Variants in BEGAIN observed in about 807,000 individuals in gnomAD.
BEGAIN encodes the protein brain enriched guanylate kinase associated, also known as brain-enriched guanylate kinase-associated protein.
Under a neutral mutation model 35.8 loss-of-function variants are expected in BEGAIN, and 19 were observed. The observed-to-expected ratio is 0.53, with a 90% CI of 0.37 to 0.78. The LOEUF is 0.78. Among genes scored for constraint, BEGAIN ranks in the 30% least tolerant of loss-of-function variants. The probability of loss-of-function intolerance (pLI) is 0.00; values close to 1 mark genes in which losing one functional copy is unlikely to be tolerated. For synonymous variants in BEGAIN, 462 were observed against 388.6 expected, an observed-to-expected ratio of 1.19 and a Z score of -2.22; for missense variants, 795 against 853.6, an observed-to-expected ratio of 0.93 and a Z score of 0.85.
intron 1 of BEGAIN, among the ~76,000 whole-genome samples, chr14:100,571,425 C>G (rs11849489): frequency 0.28 from 42,191 of 152,154 alleles, 6,243 homozygotes; most frequent in African/African-American, 0.36. Flanking sequence ...GAAACATGCC[C>G]GTCCACCCTT....
At chr14:100,565,748 G>A (rs1344491022) in intron 2 of BEGAIN, among the ~76,000 whole-genome samples, 3 of 152,188 alleles carry the variant, frequency 2.0e-5, no homozygotes, top group African/African-American at 7.2e-5. Flanking sequence ...CTCTGGGCCA[G>A]GTCCCAGGAG....
rs374438957 is a variant in BEGAIN at position 100,567,898 on chromosome 14, A to G, written c.71+13T>C. The G allele has an allele frequency of 2.0e-4, 293 of 1,463,156 alleles. No homozygotes were observed. The highest frequency in any genetic ancestry group is 2.6e-4 in the Non-Finnish European group (281 of 1,098,620). 90.6% of individuals were successfully genotyped at this position (1,463,156 alleles called of 1,614,324 possible). Reference sequence around the variant, plus strand: ...GCCCCCGCGAGCCGCGGCACGGGAGACGCTCCACTCACCTGAGTTTCTCCA... The same window carrying G: ...GCCCCCGCGAGCCGCGGCACGGGAGGCGCTCCACTCACCTGAGTTTCTCCA... On this transcript the variant is annotated intron_variant, in intron 2 of 6. Coordinates refer to ENST00000554140, the MANE Select transcript of BEGAIN (RefSeq NM_001385089.1). This position sits in a 1 kb window ranked among gnomAD's most constrained non-coding sequence, Gnocchi z 5.1.
chr14:100,553,631 G>A (rs979053923), intron 2 of BEGAIN, among the ~76,000 whole-genome samples: 20 of 152,076 alleles, frequency 1.3e-4, no homozygotes, highest in Admixed American at 7.9e-4. Flanking sequence ...TTCTCTGTGT[G>A]TCCCCAGGTC....
intron 5 of BEGAIN, among the ~76,000 whole-genome samples, chr14:100,541,380 C>A (rs924842193): frequency 7.2e-5 from 11 of 152,246 alleles, no homozygotes; most frequent in Non-Finnish European, 1.6e-4. Flanking sequence ...ACAGTCCCAA[C>A]CCAGCCAGCA....
chr14:100,574,543 C>T (rs1475504987), intron 1 of BEGAIN, among the ~76,000 whole-genome samples: 21 of 128,752 alleles, frequency 1.6e-4, no homozygotes, highest in Non-Finnish European at 3.1e-4. Context: ...TTTTTTTAAA[C>T]ATTTGAGCCA....
At chr14:100,550,294 C>T in intron 2 of BEGAIN, 2 of 397,100 alleles carry the variant, frequency 5.0e-6, no homozygotes, top group East Asian at 7.1e-5. Flanking sequence ...GCCGCCGGCC[C>T]ACGCCTTCAC....
intron 2 of BEGAIN, among the ~76,000 whole-genome samples, chr14:100,564,029 T>C (rs1278941125): frequency 6.6e-6 from 1 of 150,938 alleles, no homozygotes; most frequent in Non-Finnish European, 1.5e-5. Flanking sequence ...AAGGAACCAC[T>C]GAGCACAAGG....
Position 100,558,384 on chromosome 14 carries a change from C to T in BEGAIN, c.71+9527G>A, listed in dbSNP as rs993196978. On this transcript the variant is annotated intron_variant, in intron 2 of 6. Transcript: ENST00000554140. This position sits in a 1 kb window ranked among gnomAD's most constrained non-coding sequence, Gnocchi z 4.6. ...CACCTCCCACCCTCACTGCGCTCTC[C>T]GGCTGCCCCTTCTCAGGCTCCTCTG... Among the ~76,000 whole-genome samples, 35 of 152,204 alleles carry T rather than the reference C, an allele frequency of 2.3e-4. No individual in the cohort carries two copies. The highest frequency in any genetic ancestry group is 1.2e-3 in the Admixed American group (19 of 15,276).
At chr14:100,569,368 C>G (rs1455429699) in intron 1 of BEGAIN, 1 of 152,362 alleles carries the variant, frequency 6.6e-6, no homozygotes, top group Non-Finnish European at 1.5e-5. Context: ...AGGAGTTTGC[C>G]GGGAAGACTT....
intron 2 of BEGAIN, among the ~76,000 whole-genome samples, chr14:100,564,050 G>A (rs138972548): frequency 1.2e-4 from 18 of 151,950 alleles, no homozygotes; most frequent in South Asian, 6.3e-4. Context: ...TCGGTGTCCC[G>A]GTGACTGCTT....
intron 1 of BEGAIN, among the ~76,000 whole-genome samples, chr14:100,587,046 G>A (rs1566985067): frequency 6.6e-6 from 1 of 151,658 alleles, no homozygotes; most frequent in Non-Finnish European, 1.5e-5. Context: ...CGCCCCACCC[G>A]AGAGTGCCCA....
Position 100,582,392 on chromosome 14 carries a change from C to G in BEGAIN, c.42+4857G>C, listed in dbSNP as rs182972810. On this transcript the variant is annotated intron_variant, in intron 1 of 6. Coordinates refer to ENST00000554140, the MANE Select transcript of BEGAIN (RefSeq NM_001385089.1). ...TCTCCTGACCTCGTGATCGGCCCACCTCGGCCTCCCAAAGTGCTGGGATTA... is the reference window on the plus strand; with the variant it reads ...TCTCCTGACCTCGTGATCGGCCCACGTCGGCCTCCCAAAGTGCTGGGATTA... 6.1e-3 allele frequency among the ~76,000 whole-genome samples: 935 copies of G among 152,296 alleles called. 3 individuals are homozygous for G. The highest frequency in any genetic ancestry group is 0.01 in the Non-Finnish European group (691 of 68,022).
chr14:100,585,225 ATCCATCCC>A (rs1268356946), intron 1 of BEGAIN, among the ~76,000 whole-genome samples: 254 of 23,408 alleles, frequency 0.011, 2 homozygotes, highest in East Asian at 0.043. Flanking sequence ...CCATCCATCC[ATCCATCCC>A]TCCCTCCCTC....
At chr14:100,541,326 A>G (rs76836540) in intron 5 of BEGAIN, among the ~76,000 whole-genome samples, 1,995 of 152,314 alleles carry the variant, frequency 0.013, 12 homozygotes, top group Non-Finnish European at 0.022. Flanking sequence ...AGGCCCAGTG[A>G]CCCACCTGAG....
chr14:100,567,603 C>G lies in BEGAIN; in HGVS notation c.71+308G>C, dbSNP rs2034811235. On this transcript the variant is annotated intron_variant, in intron 2 of 6. Transcript: ENST00000554140. The surrounding 1 kb of genome is among the most constrained non-coding windows in gnomAD (Gnocchi z 5.1). ...CCAGCGAGAGTCCAGGGCAGGGAGC[C>G]AGAGGGGCGCTGAGGACCGCACAGG... is the stretch of plus-strand genomic sequence containing the variant. Among the ~76,000 whole-genome samples the G allele has an allele frequency of 1.3e-5, 2 of 151,852 alleles. No individual in the cohort carries two copies. Among genetic ancestry groups the G allele is most frequent in the Non-Finnish European group, 2.9e-5 (2 of 67,864 alleles).
At chr14:100,552,719 C>T (rs2033325232) in intron 2 of BEGAIN, among the ~76,000 whole-genome samples, 1 of 152,216 alleles carries the variant, frequency 6.6e-6, no homozygotes, top group Non-Finnish European at 1.5e-5. Context: ...GTCAGCAGAG[C>T]CAGCGATGGC....
intron 2 of BEGAIN, among the ~76,000 whole-genome samples, chr14:100,556,086 G>T (rs2033694221): frequency 6.6e-6 from 1 of 152,170 alleles, no homozygotes; most frequent in African/African-American, 2.4e-5. Context: ...GCCTGGAGAG[G>T]AGTGAGCTTT....
intron 2 of BEGAIN, among the ~76,000 whole-genome samples, chr14:100,564,192 C>T (rs2034508857): frequency 6.6e-6 from 1 of 151,976 alleles, no homozygotes; most frequent in Admixed American, 6.6e-5. Flanking sequence ...CTCCTTGACA[C>T]AGGTGGTGGT....
chr14:100,566,805 T>A (rs2034721050), intron 2 of BEGAIN, among the ~76,000 whole-genome samples: 1 of 152,152 alleles, frequency 6.6e-6, no homozygotes, highest in Admixed American at 6.5e-5. Flanking sequence ...GGACCCACAG[T>A]GGGGGCTGCA....
Sources: allele counts gnomAD v4.1 joint callset (sites outside exome capture counted in the v4.1 genomes callset), GRCh38; gene constraint gnomAD v4.1.1; non-coding constraint Gnocchi (gnomAD v3.1); transcripts MANE v1.5; gene names NCBI Gene and HGNC (gene_info 2026-07-23, HGNC 2026-07-21).